Variants in ST3GAL1 observed in about 807,000 individuals in gnomAD.
ST3GAL1 encodes the protein CMP-N-acetylneuraminate-beta-galactosamide-alpha-2,3-sialyltransferase 1.
ST3GAL1 carries 16 observed loss-of-function variants against 34.1 expected under a neutral mutation model. That is an observed-to-expected ratio of 0.47 (90% CI 0.32 to 0.71). The LOEUF (loss-of-function observed/expected upper bound fraction) is 0.71. Among genes scored for constraint, ST3GAL1 ranks in the 30% least tolerant of loss-of-function variants. The probability of loss-of-function intolerance (pLI) is 0.04; values close to 1 mark genes in which losing one functional copy is unlikely to be tolerated. For missense variants in ST3GAL1, 353 were observed against 447.4 expected, an observed-to-expected ratio of 0.79 and a Z score of 1.90; for synonymous variants, 191 against 184.7, an observed-to-expected ratio of 1.03 and a Z score of -0.28.
chr8:133,547,888 G>T (rs1219375801), intron 1 of ST3GAL1, among the ~76,000 whole-genome samples: 1 of 152,200 alleles, frequency 6.6e-6, no homozygotes, highest in African/African-American at 2.4e-5. Flanking sequence ...CAGAAGGCAG[G>T]GCCCTGGGCA....
In ST3GAL1 at chr8:133,476,013, C is replaced by T. The variant is rs777204024; in HGVS notation, c.12G>A (p.Leu4=). 1.9e-6 allele frequency: 3 copies of T among 1,591,550 alleles called. No homozygotes were observed. Among genetic ancestry groups the T allele is most frequent in the Non-Finnish European group, 1.7e-6 (2 of 1,167,504 alleles). ...TGAGCACTTTCAGGGTCCTCTTCCGCAGGGTCACCATCTTCGCAGTCCTGA... is the reference window on the plus strand; with the variant it reads ...TGAGCACTTTCAGGGTCCTCTTCCGTAGGGTCACCATCTTCGCAGTCCTGA... MVT[L]RKRTLKVLTF... Residue 4 remains leucine (L), a synonymous_variant, in exon 5 of 10, where the codon CTG becomes CTA. Coordinates refer to ENST00000522652, the MANE Select transcript of ST3GAL1 (RefSeq NM_173344.3).
At position 133,475,754 on chromosome 8, in the gene ST3GAL1, C is replaced by T. The variant is rs142100792; in HGVS notation, c.271G>A (p.Ala91Thr). Residue 91 changes from alanine (A) to threonine (T), a missense_variant, in exon 5 of 10, where the codon GCG becomes ACG. Ala to Thr is a moderately conservative substitution (Grantham distance 58). Coordinates refer to ENST00000522652, the MANE Select transcript of ST3GAL1 (RefSeq NM_173344.3). Reference protein sequence around the residue: ...TMQPLLTAQNALLEDDTYRWW... With the variant: ...TMQPLLTAQNTLLEDDTYRWW... The stretch of plus-strand genomic sequence containing the variant: ...CGGTAGGTGTCGTCCTCCAAGAGCG[C>T]GTTCTGGGCGGTCAGCAGCGGCTGC... 1,088 of 1,609,818 alleles carry T rather than the reference C, an allele frequency of 6.8e-4. 3 individuals are homozygous for T. In the African/African-American group the frequency reaches 0.012, roughly 18 times the overall value.
At chr8:133,504,894 G>A (rs890079685) in intron 2 of ST3GAL1, among the ~76,000 whole-genome samples, 3 of 152,094 alleles carry the variant, frequency 2.0e-5, no homozygotes, top group Non-Finnish European at 4.4e-5. Context: ...TTTTTCGGGG[G>A]ATCTAGGGGG....
rs995736335 is a variant in ST3GAL1, at chr8:133,455,467, G to A, written c.*4297C>T. The A allele has an allele frequency of 6.6e-6, 1 of 152,218 alleles. No homozygotes were observed. The highest frequency in any genetic ancestry group is 2.4e-5 in the African/African-American group (1 of 41,424). The allele number at this position is 152,218 out of a possible 1,614,324, so 9.4% of individuals were successfully genotyped here. On this transcript the variant is annotated 3_prime_UTR_variant, in exon 10 of 10. Coordinates refer to ENST00000522652, the MANE Select transcript of ST3GAL1 (RefSeq NM_173344.3). ...CTTCTAAGTTTTCCTCCTTTTCTTT[G>A]CACAGGTGTCAGGTAGCACCCCAGG...
chr8:133,520,430 A>G (rs1817769823), intron 2 of ST3GAL1, among the ~76,000 whole-genome samples: 1 of 152,192 alleles, frequency 6.6e-6, no homozygotes, highest in South Asian at 2.1e-4. Context: ...CTTTCAACTG[A>G]AACAATTTAG....
intron 2 of ST3GAL1, among the ~76,000 whole-genome samples, chr8:133,539,905 A>G (rs1818417134): frequency 6.6e-6 from 1 of 152,154 alleles, no homozygotes; most frequent in Non-Finnish European, 1.5e-5. Context: ...CAAAATAAAT[A>G]AGTAAATAAA....
In ST3GAL1 at chr8:133,542,105, ACACACACC is replaced by A. The variant is rs371258741; in HGVS notation, c.-429+3661_-429+3668del. ...TCTGTGTGATACACCACACACACAC[ACACACACC>A]CACGCACACACAGACACACACATCC... On this transcript the variant is annotated intron_variant, in intron 2 of 9. Transcript: ENST00000522652. Among the ~76,000 whole-genome samples the A allele has an allele frequency of 6.5e-3, 918 of 142,260 alleles. 16 individuals carry two copies. Among genetic ancestry groups the A allele is most frequent in the African/African-American group, 0.023 (856 of 38,044 alleles). 93.3% of individuals were successfully genotyped at this position (142,260 alleles called of 152,430 possible). A position where few individuals can be genotyped will look rare whatever the true frequency, so the allele number is the denominator to read the frequency against.
chr8:133,483,856 C>A (rs927670669), intron 3 of ST3GAL1, among the ~76,000 whole-genome samples: 16 of 152,178 alleles, frequency 1.1e-4, no homozygotes, highest in African/African-American at 3.9e-4. Flanking sequence ...AGTTTGCCAC[C>A]AGCTTTGATC....
rs1208905763 is a variant in ST3GAL1, at chr8:133,508,388, TG to T, written c.-428-9200del. Among the ~76,000 whole-genome samples the T allele has an allele frequency of 6.6e-6, 1 of 152,198 alleles. No homozygotes were observed. Among genetic ancestry groups the T allele is most frequent in the Non-Finnish European group, 1.5e-5 (1 of 68,046 alleles). ...ACAGTTTGTGCTCTGGGGTTGGCCG[TG>T]GGATCAGGCTGAAGGTTGACTCTAG... On this transcript the variant is annotated intron_variant, in intron 2 of 9. Coordinates refer to ENST00000522652, the MANE Select transcript of ST3GAL1 (RefSeq NM_173344.3). This position sits in a 1 kb window ranked among gnomAD's most constrained non-coding sequence, Gnocchi z 4.1.
intron 2 of ST3GAL1, among the ~76,000 whole-genome samples, chr8:133,531,338 G>A (rs1818146558): frequency 6.6e-6 from 1 of 152,102 alleles, no homozygotes; most frequent in East Asian, 1.9e-4. Flanking sequence ...GTATGTATGT[G>A]ATATGTGTGT....
At chr8:133,552,148 G>A (rs906295556) in intron 1 of ST3GAL1, among the ~76,000 whole-genome samples, 6 of 152,212 alleles carry the variant, frequency 3.9e-5, no homozygotes, top group Admixed American at 6.5e-5. Flanking sequence ...GCCCACTGCA[G>A]GGGGAGAGAG....
intron 2 of ST3GAL1, among the ~76,000 whole-genome samples, chr8:133,531,564 C>T (rs1380580435): frequency 2.0e-5 from 3 of 152,084 alleles, no homozygotes; most frequent in Admixed American, 6.6e-5. Context: ...TCCCTGCCAC[C>T]TCCCTGACCC....
chr8:133,522,037 C>A (rs1380577548), intron 2 of ST3GAL1, among the ~76,000 whole-genome samples: 1 of 152,116 alleles, frequency 6.6e-6, no homozygotes, highest in Non-Finnish European at 1.5e-5. Context: ...AAACAAAAAC[C>A]TTAAAAATGG....
intron 3 of ST3GAL1, 55 bp downstream of exon 3, chr8:133,499,080 G>A (rs914461287): frequency 1.3e-5 from 2 of 152,284 alleles, no homozygotes; most frequent in Admixed American, 1.3e-4. Context: ...GCAATTTAGA[G>A]CACAGGTTCT....
At chr8:133,541,480 C>T (rs1818529126) in intron 2 of ST3GAL1, among the ~76,000 whole-genome samples, 1 of 152,112 alleles carries the variant, frequency 6.6e-6, no homozygotes, top group South Asian at 2.1e-4. Context: ...CACAGAAACT[C>T]TCACTCCCAC....
chr8:133,463,444 A>G lies in ST3GAL1; in HGVS notation c.699T>C (p.Val233=), dbSNP rs1727411680. The G allele has an allele frequency of 6.2e-7, 1 of 1,613,828 alleles. No homozygotes were observed. The highest frequency in any genetic ancestry group is 1.1e-5 in the South Asian group (1 of 90,978). The change falls in exon 8 of 10, where the codon GTT becomes GTC. Residue 233 remains valine, a synonymous_variant. Coordinates refer to ENST00000522652, the MANE Select transcript of ST3GAL1 (RefSeq NM_173344.3). Reference sequence around the variant, plus strand: ...CCTGTTTCACTCTGATCTTTGCAGGAACCGGGATGTAGGTGCTGCAGTTGG... The same window carrying G: ...CCTGTTTCACTCTGATCTTTGCAGGGACCGGGATGTAGGTGCTGCAGTTGG... ...TGTISHTYIP[V]PAKIRVKQDK...
At position 133,571,765 on chromosome 8, in the gene ST3GAL1, G is replaced by A. The variant is rs575749044; in HGVS notation, c.-654C>T. The A allele has an allele frequency of 6.5e-6, 1 of 152,936 alleles. No individual in the cohort carries two copies. Among genetic ancestry groups the A allele is most frequent in the East Asian group, 1.9e-4 (1 of 5,176 alleles). 9.5% of individuals were successfully genotyped at this position (152,936 alleles called of 1,614,324 possible). A position where few individuals can be genotyped will look rare whatever the true frequency, so the allele number is the denominator to read the frequency against. On this transcript the variant is annotated 5_prime_UTR_variant, in exon 1 of 10. Transcript: ENST00000522652. The surrounding 1 kb of genome is among the most constrained non-coding windows in gnomAD (Gnocchi z 6.7). Reference sequence around the variant, plus strand: ...TTCGGAGGAGAATACAGGGGTGTGGGTGTCCCGGACACTTGCCCCCTTCCC... The same window carrying A: ...TTCGGAGGAGAATACAGGGGTGTGGATGTCCCGGACACTTGCCCCCTTCCC...
At chr8:133,500,537 G>A (rs1239227294) in intron 2 of ST3GAL1, among the ~76,000 whole-genome samples, 2 of 152,168 alleles carry the variant, frequency 1.3e-5, no homozygotes, top group South Asian at 2.1e-4. Context: ...GGGTCTGAGG[G>A]CAGTGATGAG....
intron 1 of ST3GAL1, among the ~76,000 whole-genome samples, chr8:133,563,813 T>C (rs1819313345): frequency 6.6e-6 from 1 of 152,200 alleles, no homozygotes; most frequent in Non-Finnish European, 1.5e-5. Context: ...CAGGTACAGC[T>C]GCTGCACATG....
Sources: allele counts gnomAD v4.1 joint callset (sites outside exome capture counted in the v4.1 genomes callset), GRCh38; gene constraint gnomAD v4.1.1; non-coding constraint Gnocchi (gnomAD v3.1); transcripts MANE v1.5; gene names NCBI Gene and HGNC (gene_info 2026-07-23, HGNC 2026-07-21).